The following TNS1 variants were observed in gnomAD, a reference collection of about 807,000 sequenced individuals.
TNS1 encodes tensin 1, also known as tensin-1.
TNS1 carries 62 observed loss-of-function variants against 168.6 expected under a neutral mutation model. That is an observed-to-expected ratio of 0.37 (90% CI 0.30 to 0.45). TNS1 has a LOEUF of 0.45. TNS1 is among the 20% of genes least tolerant of loss of function. The pLI is 1.00. For synonymous variants in TNS1, 934 were observed against 933.2 expected (o/e 1.00, Z -0.02); for missense variants, 2,240 against 2,339.4 (o/e 0.96, Z 0.88).
intron 1 of TNS1, among the ~76,000 whole-genome samples, chr2:218,023,761 C>T (rs1958829342): frequency 6.6e-6 from 1 of 152,204 alleles, no homozygotes; most frequent in Admixed American, 6.5e-5. Flanking sequence ...GACCAGCCTG[C>T]CCTGGTCAGG....
intron 6 of TNS1, chr2:217,903,574 A>G (rs1326590776): frequency 7.2e-6 from 11 of 1,533,970 alleles, no homozygotes; most frequent in Non-Finnish European, 9.6e-6. Context: ...AACTCTCTAA[A>G]CACCAAACAG....
At chr2:218,014,917 AAGGAAGGCAGGCAGGCAGGCAGGC>A (rs1958743702), upstream of TNS1, among the ~76,000 whole-genome samples, 1 of 76,592 alleles carries the variant, frequency 1.3e-5, no homozygotes, top group African/African-American at 4.5e-5. Flanking sequence ...GGAAGGAAGG[AAGGAAGGCAGGCAGGCAGGCAGGC>A]AGGCAGGCAA....
intron 18 of TNS1, among the ~76,000 whole-genome samples, chr2:217,857,513 T>C (rs1354532723): frequency 6.6e-6 from 1 of 152,220 alleles, no homozygotes; most frequent in Non-Finnish European, 1.5e-5. Flanking sequence ...ATGGTGCTTC[T>C]GTCAAGCGAT....
chr2:218,009,913 G>T (rs1958690633), intron 1 of TNS1, among the ~76,000 whole-genome samples: 1 of 152,184 alleles, frequency 6.6e-6, no homozygotes. Flanking sequence ...CAGCAACCTG[G>T]GTGGCGACTC....
intron 5 of TNS1, among the ~76,000 whole-genome samples, chr2:217,906,720 A>G (rs944990493): frequency 2.6e-5 from 4 of 152,048 alleles, no homozygotes; most frequent in Non-Finnish European, 5.9e-5. Context: ...CTTCATCTCC[A>G]AGCCCATGAT....
rs143720751 is a variant in TNS1 at position 217,866,983 on chromosome 2, A to C, written c.1429+13915T>G. Among the ~76,000 whole-genome samples, 393 of 152,334 alleles carry C rather than the reference A, an allele frequency of 2.6e-3. 3 individuals carry two copies. The highest frequency in any genetic ancestry group is 9.0e-3 in the African/African-American group (375 of 41,570). ...AGAAATGGTGAGAAATGTTATGCTG[A>C]GAAATGGTGGGTGTCAGAATCCAAG... On this transcript the variant is annotated intron_variant, in intron 18 of 32. Coordinates refer to ENST00000682258, the MANE Select transcript of TNS1 (RefSeq NM_001387777.1).
At chr2:217,981,454 AATC>A (rs1958046647) in intron 2 of TNS1, among the ~76,000 whole-genome samples, 2 of 152,370 alleles carry the variant, frequency 1.3e-5, no homozygotes, top group African/African-American at 4.8e-5. Flanking sequence ...CAAATGGAGA[AATC>A]ATCAGGTAAT....
At chr2:217,810,117 A>T in intron 29 of TNS1, 126 bp from the exon 30 acceptor site, 1 of 1,434,792 alleles carries the variant, frequency 7.0e-7, no homozygotes, top group Non-Finnish European at 9.6e-7. Context: ...AGGCATCTGC[A>T]CATAGAAATG....
intron 1 of TNS1, among the ~76,000 whole-genome samples, chr2:217,997,779 G>T (rs1958497577): frequency 6.6e-6 from 1 of 152,204 alleles, no homozygotes; most frequent in Admixed American, 6.5e-5. Flanking sequence ...GTGGAATGGG[G>T]CCTGGCGCAT....
At chr2:217,989,872 A>G (rs1958308900) in intron 2 of TNS1, among the ~76,000 whole-genome samples, 1 of 152,006 alleles carries the variant, frequency 6.6e-6, no homozygotes, top group African/African-American at 2.4e-5. Flanking sequence ...TGCACCTGCC[A>G]CAAACCCTCC....
intron 1 of TNS1, among the ~76,000 whole-genome samples, chr2:218,002,190 T>C (rs1222347462): frequency 6.6e-6 from 1 of 152,012 alleles, no homozygotes; most frequent in African/African-American, 2.4e-5. Context: ...ATCCCCATCC[T>C]GAAACCCACC....
chr2:217,847,513 C>T lies in TNS1; in HGVS notation c.3004G>A (p.Ala1002Thr), dbSNP rs550744297. The T allele has an allele frequency of 6.8e-7, 1 of 1,464,532 alleles. No homozygotes were observed. The highest frequency in any genetic ancestry group is 2.3e-5 in the East Asian group (1 of 43,534). 90.7% of individuals were successfully genotyped at this position (1,464,532 alleles called of 1,614,324 possible). The change falls in exon 19 of 33, where the codon GCA becomes ACA. Residue 1002 changes from alanine (A) to threonine (T), a missense_variant. Physicochemically the swap from Ala to Thr is moderately conservative, Grantham distance 58 (BLOSUM62 0). Transcript: ENST00000682258. ...GTCAGGACTGAATACCTCTTACCTG[C>T]TACCCTGTGGGCCACCAGCCCTTCT... ...NLEGLVAHRVAGVQAREKQPA... is the reference protein window; with the variant it reads ...NLEGLVAHRVTGVQAREKQPA...
At chr2:217,892,602 C>T (rs974273939) in intron 11 of TNS1, among the ~76,000 whole-genome samples, 4 of 152,174 alleles carry the variant, frequency 2.6e-5, no homozygotes, top group Admixed American at 2.6e-4. Flanking sequence ...AGATCTGATC[C>T]GACATTTCTT....
rs781334365 is a variant in TNS1 at position 217,836,067 on chromosome 2, G to C, written c.3152C>G (p.Ser1051Cys). The C allele has an allele frequency of 6.2e-7, 1 of 1,614,076 alleles. No individual in the cohort carries two copies. Among genetic ancestry groups the C allele is most frequent in the Admixed American group, 1.7e-5 (1 of 60,014 alleles). Residue 1051 changes from serine to cysteine, a missense_variant, in exon 20 of 33, where the codon TCC becomes TGC. Ser to Cys is a moderately radical substitution (Grantham distance 112). Transcript: ENST00000682258. ...AGCGATGGTAAGAGCCAGCTCCGGG[G>C]AGACACACTGGACAGGGGAGCGAAC... ...PGVRSPVQCVSPELALTIALN... is the reference protein window; with the variant it reads ...PGVRSPVQCVCPELALTIALN...
chr2:217,976,948 T>C (rs1355253642), intron 3 of TNS1, among the ~76,000 whole-genome samples: 23 of 152,110 alleles, frequency 1.5e-4, no homozygotes, highest in Admixed American at 1.2e-3. Flanking sequence ...AGGTGAAGAA[T>C]TACACCGGGA....
chr2:218,027,789 G>T lies in TNS1; in HGVS notation c.156+6031C>A, dbSNP rs1470145178. ...GAAGAGATGAGCAGAAAGGCAGAGG[G>T]GCTGAAAGGTGAGCAGACAGGTGAG... On this transcript the variant is annotated intron_variant, in intron 1 of 1. Transcript: ENST00000649572. Among the ~76,000 whole-genome samples, 5 of 152,074 alleles carry T rather than the reference G, an allele frequency of 3.3e-5. No individual in the cohort carries two copies. The South Asian group carries it at 6.2e-4, about 19-fold the overall frequency.
chr2:217,804,289 T>TCTCTC lies in TNS1; in HGVS notation c.*169_*170insGAGAG. ...CTCTCTCTCTCTCTCTCTCTCTCTC[T>TCTCTC]TTTCCCCCTCCCCTCTGCAATTCAC... On this transcript the variant is annotated 3_prime_UTR_variant, in exon 33 of 33. Coordinates refer to ENST00000682258, the MANE Select transcript of TNS1 (RefSeq NM_001387777.1). 1.3e-5 allele frequency: 9 copies of TCTCTC among 700,760 alleles called. No homozygotes were observed. Among genetic ancestry groups the TCTCTC allele is most frequent in the Admixed American group, 2.9e-5 (1 of 34,292 alleles). 43.4% of individuals were successfully genotyped at this position (700,760 alleles called of 1,614,324 possible).
At chr2:218,024,135 G>C (rs1035023061) in intron 1 of TNS1, among the ~76,000 whole-genome samples, 8 of 152,130 alleles carry the variant, frequency 5.3e-5, no homozygotes, top group African/African-American at 1.9e-4. Context: ...TCACTAAGCA[G>C]TTTGCCCAGG....
rs1196076831 is a variant in TNS1 at position 217,802,773 on chromosome 2, T to C, written c.*1686A>G. 6.5e-6 allele frequency: 1 copy of C among 152,702 alleles called. No homozygotes were observed. The allele number at this position is 152,702 out of a possible 1,614,324, so 9.5% of individuals were successfully genotyped here. A position where few individuals can be genotyped will look rare whatever the true frequency, so the allele number is the denominator to read the frequency against. ...AAACAATAAATACTTCTTGTCAATTTACCTATTCTTTTTTTAACCTTTTCT... is the reference window on the plus strand; with the variant it reads ...AAACAATAAATACTTCTTGTCAATTCACCTATTCTTTTTTTAACCTTTTCT... On this transcript the variant is annotated 3_prime_UTR_variant, in exon 33 of 33. Coordinates refer to ENST00000682258, the MANE Select transcript of TNS1 (RefSeq NM_001387777.1).
Sources: allele counts gnomAD v4.1 joint callset (sites outside exome capture counted in the v4.1 genomes callset), GRCh38; gene constraint gnomAD v4.1.1; transcripts MANE v1.5; gene names NCBI Gene and HGNC (gene_info 2026-07-23, HGNC 2026-07-21).